The following TBC1D19 variants were observed in gnomAD, a reference collection of about 807,000 sequenced individuals.
The protein encoded by TBC1D19 is TBC1 domain family member 19, also known as TBC1 domain family, member 19.
A neutral mutation model predicts 89.0 loss-of-function variants in TBC1D19; 60 were observed. That is an observed-to-expected ratio of 0.67 (90% CI 0.55 to 0.84). The LOEUF is 0.84. Ranked by LOEUF, TBC1D19 falls within the 40% of genes least tolerant of loss-of-function variation. TBC1D19 has a pLI of 0.00. For synonymous variants in TBC1D19, 189 were observed against 199.7 expected (o/e 0.95, Z 0.45); for missense variants, 500 against 610.8 (o/e 0.82, Z 1.91).
chr4:26,578,661 G>C (rs1355680843), intron 1 of TBC1D19, among the ~76,000 whole-genome samples: 1 of 152,188 alleles, frequency 6.6e-6, no homozygotes, highest in Non-Finnish European at 1.5e-5. Flanking sequence ...AGTGATCAGA[G>C]AATTGAGGAG....
At chr4:26,720,180 A>G (rs1716886651) in intron 15 of TBC1D19, 55 bp downstream of exon 15, 2 of 1,352,230 alleles carry the variant, frequency 1.5e-6, no homozygotes, top group Admixed American at 2.2e-5. Context: ...TACAACTTTT[A>G]TAATCAAAAT....
At chr4:26,723,791 A>T (rs1172751844) in intron 15 of TBC1D19, among the ~76,000 whole-genome samples, 1 of 152,190 alleles carries the variant, frequency 6.6e-6, no homozygotes, top group Non-Finnish European at 1.5e-5. Context: ...TAGGAGGGTG[A>T]TCCACAGTAA....
At chr4:26,697,520 G>A (rs925687944) in intron 13 of TBC1D19, among the ~76,000 whole-genome samples, 1 of 152,118 alleles carries the variant, frequency 6.6e-6, no homozygotes, top group African/African-American at 2.4e-5. Context: ...TATGAGGCCA[G>A]CATCATCCTG....
At chr4:26,733,286 T>C (rs1182637377) in intron 15 of TBC1D19, among the ~76,000 whole-genome samples, 1 of 152,226 alleles carries the variant, frequency 6.6e-6, no homozygotes, top group Non-Finnish European at 1.5e-5. Flanking sequence ...AACATTTGCT[T>C]ATTAACAAAT....
chr4:26,694,013 C>T (rs767310819), intron 13 of TBC1D19, among the ~76,000 whole-genome samples: 64 of 152,072 alleles, frequency 4.2e-4, no homozygotes, highest in Non-Finnish European at 8.4e-4. Context: ...AACTGAGGTA[C>T]CGGGTTCACC....
At chr4:26,671,250 T>G (rs1208776184) in intron 9 of TBC1D19, among the ~76,000 whole-genome samples, 1 of 151,792 alleles carries the variant, frequency 6.6e-6, no homozygotes, top group African/African-American at 2.4e-5. Flanking sequence ...GTTGTGTATT[T>G]CATAGTGGTT....
chr4:26,716,979 G>A (rs1716666042), intron 13 of TBC1D19, among the ~76,000 whole-genome samples: 1 of 151,982 alleles, frequency 6.6e-6, no homozygotes, highest in Non-Finnish European at 1.5e-5. Flanking sequence ...TCATTAACAT[G>A]TACCACTTAT....
intron 1 of TBC1D19, among the ~76,000 whole-genome samples, chr4:26,609,944 T>A (rs1350406339): frequency 6.6e-6 from 1 of 152,130 alleles, no homozygotes; most frequent in East Asian, 1.9e-4. Flanking sequence ...AGATAGATGA[T>A]ATACCAATAA....
the TBC1D19 span, among the ~76,000 whole-genome samples, chr4:26,848,190 T>G: frequency 6.6e-6 from 1 of 152,328 alleles, no homozygotes; most frequent in Non-Finnish European, 1.5e-5. Flanking sequence ...CATCACCCAA[T>G]CTGTCCAGGG....
At chr4:26,711,552 A>T (rs1045403497) in intron 13 of TBC1D19, among the ~76,000 whole-genome samples, 1 of 152,110 alleles carries the variant, frequency 6.6e-6, no homozygotes, top group African/African-American at 2.4e-5. Context: ...AGGACAAACT[A>T]AATCTTTTGT....
chr4:26,748,891 G>C (rs1718795132), intron 19 of TBC1D19, among the ~76,000 whole-genome samples: 1 of 152,132 alleles, frequency 6.6e-6, no homozygotes, highest in South Asian at 2.1e-4. Flanking sequence ...GGCTACCTTA[G>C]CAGTCTGTTC....
At chr4:26,783,427 C>T in the TBC1D19 span, among the ~76,000 whole-genome samples, 1 of 152,028 alleles carries the variant, frequency 6.6e-6, no homozygotes, top group African/African-American at 2.4e-5. Context: ...TAGAGAAACA[C>T]CTATTGAAAT....
At chr4:26,629,645 T>C (rs1742669399) in intron 4 of TBC1D19, among the ~76,000 whole-genome samples, 1 of 151,956 alleles carries the variant, frequency 6.6e-6, no homozygotes, top group African/African-American at 2.4e-5. Flanking sequence ...GTAATAATAG[T>C]AAAAAATTTA....
intron 13 of TBC1D19, among the ~76,000 whole-genome samples, chr4:26,703,235 C>A (rs1715470074): frequency 6.6e-6 from 1 of 152,138 alleles, no homozygotes; most frequent in South Asian, 2.1e-4. Context: ...AAAACACTTT[C>A]ATGGTGATAC....
At chr4:26,643,321 A>G (rs1406802615) in intron 7 of TBC1D19, among the ~76,000 whole-genome samples, 4 of 152,212 alleles carry the variant, frequency 2.6e-5, no homozygotes, top group Admixed American at 6.5e-5. Context: ...TTGCTCCTGA[A>G]TGACTACTGG....
At chr4:26,654,729 G>A (rs138326437) in intron 7 of TBC1D19, among the ~76,000 whole-genome samples, 1,715 of 152,212 alleles carry the variant, frequency 0.011, 37 homozygotes, top group African/African-American at 0.04. Context: ...AGCTCCATCA[G>A]GTCCTTTAAG....
At chr4:26,746,663 C>G (rs553605187) in intron 18 of TBC1D19, among the ~76,000 whole-genome samples, 1 of 152,164 alleles carries the variant, frequency 6.6e-6, no homozygotes, top group Non-Finnish European at 1.5e-5. Flanking sequence ...GTGCCTGAAA[C>G]TGTGGATAGT....
At chr4:26,813,917 A>G in the TBC1D19 span, among the ~76,000 whole-genome samples, 9 of 152,236 alleles carry the variant, frequency 5.9e-5, no homozygotes, top group Non-Finnish European at 1.2e-4. Flanking sequence ...AGTGCCTGTC[A>G]CTGGCACCGC....
At chr4:26,684,492 G>T (rs1478364023) in intron 12 of TBC1D19, among the ~76,000 whole-genome samples, 3 of 152,136 alleles carry the variant, frequency 2.0e-5, no homozygotes, top group Non-Finnish European at 4.4e-5. Context: ...TTGCGTGCTT[G>T]GTTCATCTGG....
Sources: allele counts gnomAD v4.1 joint callset (sites outside exome capture counted in the v4.1 genomes callset), GRCh38; gene constraint gnomAD v4.1.1; transcripts MANE v1.5; gene names NCBI Gene and HGNC (gene_info 2026-07-23, HGNC 2026-07-21).